The following SYNE2 variants were observed in gnomAD, a reference collection of about 807,000 sequenced individuals.
The protein encoded by SYNE2 is nesprin-2.
A neutral mutation model predicts 856.3 loss-of-function variants in SYNE2; 431 were observed. That is an observed-to-expected ratio of 0.50 (90% CI 0.47 to 0.55). The LOEUF (loss-of-function observed/expected upper bound fraction) is 0.55, where lower values mean the gene tolerates loss of function less well. Among genes scored for constraint, SYNE2 ranks in the 20% least tolerant of loss-of-function variants. SYNE2 has a pLI of 0.00. For synonymous variants in SYNE2, 2,923 were observed against 2,872.3 expected, an observed-to-expected ratio of 1.02 and a Z score of -0.56; for missense variants, 8,129 against 8,023.2, an observed-to-expected ratio of 1.01 and a Z score of -0.50.
intron 1 of SYNE2, among the ~76,000 whole-genome samples, chr14:63,856,992 A>C (rs907814889): frequency 1.3e-4 from 19 of 151,578 alleles, no homozygotes; most frequent in African/African-American, 4.6e-4. Flanking sequence ...CTGGTCTCCA[A>C]CTCCTGGCCT....
chr14:64,138,495 A>G (rs2098113862), intron 79 of SYNE2, among the ~76,000 whole-genome samples: 1 of 152,144 alleles, frequency 6.6e-6, no homozygotes, highest in African/African-American at 2.4e-5. Context: ...CAGCTTCCCA[A>G]AGTGCTGGGA....
At chr14:64,069,380 G>A (rs1045974697) in intron 51 of SYNE2, among the ~76,000 whole-genome samples, 22 of 152,174 alleles carry the variant, frequency 1.4e-4, no homozygotes, top group African/African-American at 4.6e-4. Context: ...TTAGGTTTGA[G>A]GTGATGAGAA....
At chr14:64,085,564 G>A (rs975577561) in intron 57 of SYNE2, among the ~76,000 whole-genome samples, 6 of 152,120 alleles carry the variant, frequency 3.9e-5, no homozygotes, top group South Asian at 2.1e-4. Context: ...TGACTTTTAC[G>A]ATGTGTTTAA....
intron 1 of SYNE2, among the ~76,000 whole-genome samples, chr14:63,773,110 T>G (rs1279719637): frequency 6.6e-6 from 1 of 151,736 alleles, no homozygotes; most frequent in African/African-American, 2.4e-5. Context: ...TATTTGCCAT[T>G]TTATTGTTGT....
chr14:64,029,086 A>C (rs567966206), intron 43 of SYNE2, among the ~76,000 whole-genome samples: 13 of 152,282 alleles, frequency 8.5e-5, no homozygotes, highest in African/African-American at 3.1e-4. Flanking sequence ...CAGTGAGCCG[A>C]GATTGCACCG....
intron 1 of SYNE2, among the ~76,000 whole-genome samples, chr14:63,769,518 A>C (rs1271590094): frequency 2.0e-5 from 3 of 152,084 alleles, no homozygotes; most frequent in South Asian, 2.1e-4. Flanking sequence ...ATACAAAAAA[A>C]TTAGCTGGGC....
At chr14:63,974,892 G>GTGTGTGTATATA (rs1375697679) in intron 11 of SYNE2, among the ~76,000 whole-genome samples, 13 of 67,326 alleles carry the variant, frequency 1.9e-4, no homozygotes, top group African/African-American at 5.4e-4. Flanking sequence ...GTGTGTGTGT[G>GTGTGTGTATATA]TATATATATA....
intron 65 of SYNE2, among the ~76,000 whole-genome samples, chr14:64,109,095 G>A (rs530459852): frequency 3.3e-5 from 5 of 151,750 alleles, no homozygotes; most frequent in South Asian, 2.1e-4. Flanking sequence ...GGCTGGTCTC[G>A]AACTCCTGGT....
At chr14:64,117,866 T>C (rs1780367280) in intron 66 of SYNE2, among the ~76,000 whole-genome samples, 1 of 152,152 alleles carries the variant, frequency 6.6e-6, no homozygotes, top group South Asian at 2.1e-4. Context: ...AAAGGGATGA[T>C]TCACATCCTG....
At chr14:63,957,769 G>T (rs1212545843) in intron 8 of SYNE2, among the ~76,000 whole-genome samples, 3 of 152,052 alleles carry the variant, frequency 2.0e-5, no homozygotes, top group Non-Finnish European at 4.4e-5. Flanking sequence ...GCCTCACCTG[G>T]CCGAGCTAGT....
intron 22 of SYNE2, among the ~76,000 whole-genome samples, chr14:63,994,751 T>G (rs1339859685): frequency 6.6e-6 from 1 of 152,238 alleles, no homozygotes; most frequent in Non-Finnish European, 1.5e-5. Flanking sequence ...TATGTCTCCT[T>G]GGGCTCAGTT....
chr14:64,024,225 G>C (rs150762433), intron 38 of SYNE2, 32 bp from the exon 39 acceptor site: 1 of 1,607,212 alleles, frequency 6.2e-7, no homozygotes, highest in Non-Finnish European at 8.5e-7. Flanking sequence ...GACTTGCCAG[G>C]AGATTGTAAT....
Position 64,170,159 on chromosome 14 carries a change from A to T in SYNE2, c.17001-69A>T, listed in dbSNP as rs566273751. 5 of 1,451,504 alleles carry T rather than the reference A, an allele frequency of 3.4e-6. No individual in the cohort carries two copies. In the South Asian group the frequency reaches 3.5e-5, roughly 10 times the overall value. The allele number at this position is 1,451,504 out of a possible 1,614,324, so 89.9% of individuals were successfully genotyped here. On this transcript the variant is annotated intron_variant, in intron 93 of 115. Coordinates refer to ENST00000555002, the MANE Select transcript of SYNE2 (RefSeq NM_182914.3). ...TTATAAAAACTGAATCTGAGCTGCT[A>T]TTACCCACTGATAGTTATTTTTTCT...
At chr14:64,162,393 C>A in intron 88 of SYNE2, 117 bp downstream of exon 88, 1 of 1,117,034 alleles carries the variant, frequency 9.0e-7, no homozygotes, top group Non-Finnish European at 1.3e-6. Flanking sequence ...AGGACAGGTG[C>A]TGTGAACTTG....
At chr14:64,218,603 A>T in intron 109 of SYNE2, 91 bp downstream of exon 109, 1 of 1,268,264 alleles carries the variant, frequency 7.9e-7, no homozygotes, top group East Asian at 2.4e-5. Flanking sequence ...TTAACCAACT[A>T]TACGATTCGC....
intron 1 of SYNE2, among the ~76,000 whole-genome samples, chr14:63,805,755 T>C (rs977420212): frequency 1.3e-5 from 2 of 152,196 alleles, no homozygotes; most frequent in Non-Finnish European, 2.9e-5. Flanking sequence ...GTGAATGGGA[T>C]TGCATTATTG....
At chr14:63,764,816 C>T (rs1275655354) in intron 1 of SYNE2, among the ~76,000 whole-genome samples, 5 of 152,028 alleles carry the variant, frequency 3.3e-5, no homozygotes, top group South Asian at 2.1e-4. Context: ...GGCGTGGTGG[C>T]GCACACCTGT....
chr14:63,959,914 A>G (rs1360773144), intron 8 of SYNE2, among the ~76,000 whole-genome samples: 2 of 152,192 alleles, frequency 1.3e-5, no homozygotes, highest in Non-Finnish European at 2.9e-5. Context: ...CACTATAGTA[A>G]AAACAAATTT....
At chr14:64,182,092 T>C (rs2098460651) in intron 96 of SYNE2, among the ~76,000 whole-genome samples, 1 of 152,202 alleles carries the variant, frequency 6.6e-6, no homozygotes, top group Non-Finnish European at 1.5e-5. Context: ...CAAATGGTAG[T>C]ACAGAGAAAT....
Sources: gnomAD v4.1 joint callset for allele counts (sites outside exome capture counted in the v4.1 genomes callset) on GRCh38, gnomAD v4.1.1 for gene constraint, MANE v1.5 for transcripts, NCBI Gene and HGNC (gene_info 2026-07-23, HGNC 2026-07-21) for gene names.